DLGAP2: variants seen among roughly 807,000 people sequenced by gnomAD.
The protein encoded by DLGAP2 is DLG associated protein 2, also known as disks large-associated protein 2.
Under a neutral mutation model 100.3 loss-of-function variants are expected in DLGAP2, and 26 were observed. The ratio of observed to expected loss-of-function variants is 0.26; its 90% CI spans 0.19 to 0.36. DLGAP2 has a LOEUF of 0.36. Ranked by LOEUF, DLGAP2 falls within the 10% of genes least tolerant of loss-of-function variation. DLGAP2 has a pLI of 1.00. For missense variants in DLGAP2, 1,858 were observed against 1,453.2 expected, an observed-to-expected ratio of 1.28 and a Z score of -4.53; for synonymous variants, 886 against 630.1, an observed-to-expected ratio of 1.41 and a Z score of -6.08.
At chr8:1,346,945 G>T (rs1177336636) in intron 3 of DLGAP2, among the ~76,000 whole-genome samples, 2 of 151,164 alleles carry the variant, frequency 1.3e-5, no homozygotes, top group Non-Finnish European at 3.0e-5. Flanking sequence ...TGCTCTCATG[G>T]TAGCTCTGTG....
At chr8:1,415,076 G>A (rs1015346790) in intron 3 of DLGAP2, among the ~76,000 whole-genome samples, 1 of 152,160 alleles carries the variant, frequency 6.6e-6, no homozygotes, top group African/African-American at 2.4e-5. Flanking sequence ...CCAGCCTTTG[G>A]CTGTGGTGCA....
chr8:798,781 G>A lies in DLGAP2; in HGVS notation c.18+60956G>A, dbSNP rs1042144520. On this transcript the variant is annotated intron_variant, in intron 1 of 14. Coordinates refer to ENST00000637795, the MANE Select transcript of DLGAP2 (RefSeq NM_001346810.2). ...AACGCTTGTTGAGTCAGGACCTGCA[G>A]CCCCGTGCCCTGGTGCTGGCCAGGT... 4.8e-5 allele frequency among the ~76,000 whole-genome samples: 7 copies of A among 147,254 alleles called. No individual in the cohort carries two copies. In the East Asian group the frequency reaches 1.5e-3, roughly 31 times the overall value.
rs1797985044 is a variant in DLGAP2, at chr8:1,644,194, T to C, written c.1810+11148T>C. ...GGTGCCTCCTCAGCCTCCAGGGGCC[T>C]GGCAGGACTTCCCACCCACTCTCCA... On this transcript the variant is annotated intron_variant, in intron 8 of 14. Transcript: ENST00000637795. Among the ~76,000 whole-genome samples the C allele has an allele frequency of 2.0e-5, 3 of 152,200 alleles. No individual in the cohort carries two copies. In the East Asian group the frequency reaches 5.8e-4, roughly 29 times the overall value.
At chr8:1,052,398 T>C (rs1563166196) in intron 2 of DLGAP2, among the ~76,000 whole-genome samples, 2 of 152,224 alleles carry the variant, frequency 1.3e-5, no homozygotes, top group African/African-American at 4.8e-5. Flanking sequence ...GAAATAATTT[T>C]TGCAGGTAGT....
rs181703518 is a variant in DLGAP2, at chr8:1,425,525, A to G, written c.107-75841A>G. ...CCCTGAGGACAGACATGGACAGCTGAGTGCATCCCTGCAGGGGCCCCAGAA... is the reference window on the plus strand; with the variant it reads ...CCCTGAGGACAGACATGGACAGCTGGGTGCATCCCTGCAGGGGCCCCAGAA... On this transcript the variant is annotated intron_variant, in intron 3 of 14. Transcript: ENST00000637795. 1.3e-3 allele frequency among the ~76,000 whole-genome samples: 194 copies of G among 152,314 alleles called. 2 individuals carry two copies. Among genetic ancestry groups the G allele is most frequent in the African/African-American group, 4.5e-3 (187 of 41,576 alleles).
At chr8:1,204,410 A>G (rs1797946850) in intron 2 of DLGAP2, among the ~76,000 whole-genome samples, 1 of 152,238 alleles carries the variant, frequency 6.6e-6, no homozygotes, top group Non-Finnish European at 1.5e-5. Flanking sequence ...CACAGGTGTG[A>G]GTGACGGTGG....
chr8:1,699,197 A>G (rs973688108), intron 14 of DLGAP2, among the ~76,000 whole-genome samples: 1 of 152,214 alleles, frequency 6.6e-6, no homozygotes, highest in Non-Finnish European at 1.5e-5. Flanking sequence ...CAAGCTGCGC[A>G]TAGAGTATGA....
intron 5 of DLGAP2, 97 bp downstream of exon 5, chr8:1,549,780 T>G (rs759664302): frequency 1.9e-5 from 24 of 1,283,270 alleles, no homozygotes; most frequent in Middle Eastern, 5.5e-4. Flanking sequence ...TGCATACACA[T>G]TTAGGTTGTG....
intron 2 of DLGAP2, among the ~76,000 whole-genome samples, chr8:1,200,200 C>T (rs1002698740): frequency 2.0e-5 from 3 of 152,218 alleles, no homozygotes; most frequent in African/African-American, 4.8e-5. Context: ...CGTGCAGCAC[C>T]GGGTGTCACC....
At chr8:844,593 C>A (rs981737247) in intron 1 of DLGAP2, among the ~76,000 whole-genome samples, 3 of 152,210 alleles carry the variant, frequency 2.0e-5, no homozygotes, top group African/African-American at 4.8e-5. Flanking sequence ...CCCTTCCCAG[C>A]CATGCTGTCC....
Position 1,705,537 on chromosome 8 carries a change from C to G in DLGAP2, c.*4131C>G, listed in dbSNP as rs2130901713. On this transcript the variant is annotated 3_prime_UTR_variant, in exon 15 of 15. Transcript: ENST00000637795. ...GCTGGTACGGACATAAAAGCATTGTCCAAAACAGCGCTGGTTCGGGGAGGG... is the reference window on the plus strand; with the variant it reads ...GCTGGTACGGACATAAAAGCATTGTGCAAAACAGCGCTGGTTCGGGGAGGG... 1 of 152,354 alleles carries G rather than the reference C, an allele frequency of 6.6e-6. No individual in the cohort carries two copies. Among genetic ancestry groups the G allele is most frequent in the South Asian group, 2.1e-4 (1 of 4,826 alleles). The allele number at this position is 152,354 out of a possible 1,614,324, so 9.4% of individuals were successfully genotyped here. A position where few individuals can be genotyped will look rare whatever the true frequency, so the allele number is the denominator to read the frequency against.
At chr8:1,159,348 T>C (rs1174863341) in intron 2 of DLGAP2, among the ~76,000 whole-genome samples, 1 of 152,252 alleles carries the variant, frequency 6.6e-6, no homozygotes, top group Non-Finnish European at 1.5e-5. Flanking sequence ...GGGATACTGA[T>C]TTTGATTTTC....
At chr8:1,347,418 C>T (rs567116891) in intron 3 of DLGAP2, among the ~76,000 whole-genome samples, 3 of 151,840 alleles carry the variant, frequency 2.0e-5, no homozygotes, top group Non-Finnish European at 2.9e-5. Context: ...CCATACCCAT[C>T]TGCATTGCAC....
At chr8:1,200,889 G>A (rs558053695) in intron 2 of DLGAP2, among the ~76,000 whole-genome samples, 3 of 152,324 alleles carry the variant, frequency 2.0e-5, no homozygotes, top group African/African-American at 4.8e-5. Context: ...GCTGGCTCCC[G>A]TGCTCGGTTT....
At chr8:1,678,822 G>C in intron 12 of DLGAP2, 193 bp downstream of exon 12, 1 of 576,998 alleles carries the variant, frequency 1.7e-6, no homozygotes, top group East Asian at 3.3e-5. Context: ...CAGTCACTAC[G>C]ATATCGAAGG....
intron 2 of DLGAP2, among the ~76,000 whole-genome samples, chr8:1,128,599 A>G (rs1232687895): frequency 1.3e-5 from 2 of 152,180 alleles, no homozygotes; most frequent in African/African-American, 4.8e-5. Flanking sequence ...GGGTTTGTAT[A>G]ACACATTCTG....
intron 2 of DLGAP2, among the ~76,000 whole-genome samples, chr8:1,193,279 T>A (rs370571895): frequency 5.3e-5 from 8 of 152,210 alleles, no homozygotes; most frequent in African/African-American, 1.2e-4. Context: ...ACCAGTTTAC[T>A]GTCCCACCAA....
At position 737,840 on chromosome 8, in the gene DLGAP2, G is replaced by A. The variant is rs1820358113; in HGVS notation, c.18+15G>A. ...CGCTGAGGAAGGTGCGAGCCGCCGG[G>A]GGCTGCCGGGAGCCGGGCGCGGGGC... On this transcript the variant is annotated intron_variant, in intron 1 of 14. Coordinates refer to ENST00000637795, the MANE Select transcript of DLGAP2 (RefSeq NM_001346810.2). The A allele has an allele frequency of 7.9e-6, 3 of 377,892 alleles. No individual in the cohort carries two copies. The highest frequency in any genetic ancestry group is 4.6e-5 in the Admixed American group (1 of 21,912). 23.4% of individuals were successfully genotyped at this position (377,892 alleles called of 1,614,324 possible). A position where few individuals can be genotyped will look rare whatever the true frequency, so the allele number is the denominator to read the frequency against.
intron 1 of DLGAP2, among the ~76,000 whole-genome samples, chr8:824,299 C>G (rs1796645190): frequency 6.6e-6 from 1 of 151,944 alleles, no homozygotes; most frequent in African/African-American, 2.4e-5. Flanking sequence ...TGGTCTTGCA[C>G]TCCTGGGCTC....
Sources: allele counts gnomAD v4.1 joint callset (sites outside exome capture counted in the v4.1 genomes callset), GRCh38; gene constraint gnomAD v4.1.1; transcripts MANE v1.5; gene names NCBI Gene and HGNC (gene_info 2026-07-23, HGNC 2026-07-21).